SYNE2: variants seen among roughly 807,000 people sequenced by gnomAD.
SYNE2 encodes the protein nesprin-2.
SYNE2 carries 431 observed loss-of-function variants against 856.3 expected under a neutral mutation model. That is an observed-to-expected ratio of 0.50 (90% CI 0.47 to 0.55). The LOEUF is 0.55. Ranked by LOEUF, SYNE2 falls within the 20% of genes least tolerant of loss-of-function variation. SYNE2 has a pLI of 0.00. For missense variants in SYNE2, 8,129 were observed against 8,023.2 expected, an observed-to-expected ratio of 1.01 and a Z score of -0.50; for synonymous variants, 2,923 against 2,872.3, an observed-to-expected ratio of 1.02 and a Z score of -0.56.
intron 74 of SYNE2, among the ~76,000 whole-genome samples, chr14:64,129,298 C>A (rs571367428): frequency 4.6e-5 from 7 of 152,256 alleles, no homozygotes; most frequent in African/African-American, 1.7e-4. Context: ...CAGAGCCAGA[C>A]TTTTGTCTCT....
intron 71 of SYNE2, 34 bp from the exon 72 acceptor site, chr14:64,126,293 T>C (rs1175330408): frequency 6.3e-7 from 1 of 1,596,490 alleles, no homozygotes; most frequent in Non-Finnish European, 8.6e-7. Flanking sequence ...CAAAGGTATC[T>C]TAATTTTCTT....
intron 57 of SYNE2, 76 bp downstream of exon 57, chr14:64,081,656 C>T (rs774863222): frequency 2.0e-6 from 3 of 1,521,880 alleles, no homozygotes; most frequent in African/African-American, 1.4e-5. Context: ...TGTCTTGGTG[C>T]TTTTTTCCTC....
chr14:63,987,030 G>C (rs916284496), intron 19 of SYNE2, among the ~76,000 whole-genome samples: 1 of 152,120 alleles, frequency 6.6e-6, no homozygotes, highest in Admixed American at 6.5e-5. Context: ...GAAGTGGGTG[G>C]ATCACAAGGT....
At chr14:63,917,959 G>A (rs1414736108) in intron 2 of SYNE2, among the ~76,000 whole-genome samples, 2 of 151,834 alleles carry the variant, frequency 1.3e-5, no homozygotes, top group Non-Finnish European at 2.9e-5. Context: ...TTCTGGGTCA[G>A]TTACATTTTG....
chr14:64,171,688 G>A (rs1192210398), intron 94 of SYNE2, among the ~76,000 whole-genome samples: 1 of 152,206 alleles, frequency 6.6e-6, no homozygotes, highest in Non-Finnish European at 1.5e-5. Context: ...AGTGTGACTG[G>A]CGCAGAGCTG....
At chr14:64,190,039 A>G in intron 98 of SYNE2, 32 bp from the exon 99 acceptor site, 1 of 1,612,064 alleles carries the variant, frequency 6.2e-7, no homozygotes, top group Non-Finnish European at 8.5e-7. Flanking sequence ...TGGGCTAATT[A>G]GCCAGGCTTT....
At chr14:64,155,575 T>TA (rs562563652) in intron 85 of SYNE2, among the ~76,000 whole-genome samples, 2,229 of 131,674 alleles carry the variant, frequency 0.017, 33 homozygotes, top group African/African-American at 0.041. Context: ...TTCAATAAAG[T>TA]AAAAAAAAAA....
chr14:64,202,013 A>G (rs2098571056), intron 99 of SYNE2, among the ~76,000 whole-genome samples: 2 of 152,170 alleles, frequency 1.3e-5, no homozygotes, highest in African/African-American at 2.4e-5. Flanking sequence ...CAGCTACATC[A>G]CGTCCCCTTG....
rs769385596 is a variant in SYNE2, at chr14:64,113,548, G to A, written c.12817G>A (p.Glu4273Lys). Residue 4273 changes from glutamate to lysine, a missense_variant, in exon 66 of 116, where the codon GAA (glutamate) becomes AAA (lysine). Coordinates refer to ENST00000555002, the MANE Select transcript of SYNE2 (RefSeq NM_182914.3). The part of the protein sequence containing the change: ...TLNADMQQVL[E>K]QQLVGCQAML... ...AAACGCAGACATGCAGCAGGTGCTG[G>A]AACAGCAGCTGGTAGGGTGCCAGGT... 1.9e-6 allele frequency: 3 copies of A among 1,611,190 alleles called. No homozygotes were observed. The highest frequency in any genetic ancestry group is 2.5e-6 in the Non-Finnish European group (3 of 1,178,538).
In SYNE2 at chr14:64,107,565, G is replaced by A. The variant is rs191320481; in HGVS notation, c.12567G>A (p.Glu4189=). 1.2e-6 allele frequency: 2 copies of A among 1,614,126 alleles called. No homozygotes were observed. The highest frequency in any genetic ancestry group is 4.5e-5 in the East Asian group (2 of 44,880). Reference sequence around the variant, plus strand: ...TCACACCAGACTCACTAAACACTGAGCAAGGCCCAGAATGTTCCCTAAGGC... The same window carrying A: ...TCACACCAGACTCACTAAACACTGAACAAGGCCCAGAATGTTCCCTAAGGC... ...QILTPDSLNT[E]QGPECSLRPN... Residue 4189 remains glutamate, a synonymous_variant, in exon 65 of 116, where the codon GAG becomes GAA. Coordinates refer to ENST00000555002, the MANE Select transcript of SYNE2 (RefSeq NM_182914.3).
intron 1 of SYNE2, among the ~76,000 whole-genome samples, chr14:63,836,233 A>G (rs1889856666): frequency 6.6e-6 from 1 of 152,026 alleles, no homozygotes; most frequent in Non-Finnish European, 1.5e-5. Context: ...CATGTTCCCC[A>G]TTCTGGTCTC....
intron 6 of SYNE2, among the ~76,000 whole-genome samples, chr14:63,948,772 A>ATG (rs1327891000): frequency 3.3e-4 from 18 of 54,884 alleles, no homozygotes; most frequent in South Asian, 6.4e-4. Flanking sequence ...ATATATATGT[A>ATG]TGTGTGTGTG....
intron 1 of SYNE2, among the ~76,000 whole-genome samples, chr14:63,847,616 C>T (rs1259365073): frequency 3.2e-4 from 47 of 145,762 alleles, no homozygotes; most frequent in African/African-American, 1.1e-3. Context: ...GACGGAGTCT[C>T]GCTCTGTCGC....
At chr14:63,896,699 G>A (rs2095258177) in intron 1 of SYNE2, among the ~76,000 whole-genome samples, 1 of 152,204 alleles carries the variant, frequency 6.6e-6, no homozygotes, top group Non-Finnish European at 1.5e-5. Context: ...GAGTTCTCCT[G>A]ACTCTAAGTC....
chr14:64,125,103 C>T lies in SYNE2; in HGVS notation c.13447C>T (p.Pro4483Ser). The T allele has an allele frequency of 1.2e-6, 2 of 1,614,140 alleles. No individual in the cohort carries two copies. Among genetic ancestry groups the T allele is most frequent in the Non-Finnish European group, 1.7e-6 (2 of 1,180,024 alleles). ...GGTTTCCACAAATATGGGTATTCTA[C>T]CCAGCGTGACTATGTATAACTTTAG... is the stretch of plus-strand genomic sequence containing the variant. The part of the protein sequence containing the change: ...PQVSTNMGIL[P>S]SVTMYNFRYP... Residue 4483 changes from proline (P) to serine (S), a missense_variant, in exon 71 of 116, where the codon CCC (proline) becomes TCC (serine). Pro to Ser is a moderately conservative substitution (Grantham distance 74). Around this residue, in one of 3 missense-constraint regions of SYNE2, gnomAD observed 5,410 missense variants for 5,284.8 expected, o/e 1.02. Transcript: ENST00000555002.
At chr14:64,062,530 G>A (rs188218404) in intron 49 of SYNE2, among the ~76,000 whole-genome samples, 7 of 152,184 alleles carry the variant, frequency 4.6e-5, no homozygotes, top group Non-Finnish European at 8.8e-5. Flanking sequence ...TTTAGAGGAC[G>A]GCCCTTGCTT....
At chr14:63,975,469 A>T (rs1238485965) in intron 11 of SYNE2, among the ~76,000 whole-genome samples, 2 of 152,108 alleles carry the variant, frequency 1.3e-5, no homozygotes, top group Non-Finnish European at 2.9e-5. Flanking sequence ...AGTAGCTGAG[A>T]CTATAGGTGT....
chr14:63,987,410 G>A (rs1183390253), intron 19 of SYNE2, among the ~76,000 whole-genome samples: 3 of 152,196 alleles, frequency 2.0e-5, no homozygotes, highest in African/African-American at 7.2e-5. Flanking sequence ...TTGAAAGGCA[G>A]TGAGGCAAGA....
At position 64,141,537 on chromosome 14, in the gene SYNE2, G is replaced by GC. The variant is rs1189705528; in HGVS notation, c.15159+16dup. On this transcript the variant is annotated intron_variant, in intron 81 of 115. Coordinates refer to ENST00000555002, the MANE Select transcript of SYNE2 (RefSeq NM_182914.3). ...AAACTTCACCAGGTAAGTCTTTAGA[G>GC]CCTCAGCATTTGAATTAGCATTCAC... The GC allele has an allele frequency of 1.2e-6, 2 of 1,612,338 alleles. No individual in the cohort carries two copies. Among genetic ancestry groups the GC allele is most frequent in the African/African-American group, 2.7e-5 (2 of 74,882 alleles).
Sources: gnomAD v4.1 joint callset for allele counts (sites outside exome capture counted in the v4.1 genomes callset) on GRCh38, gnomAD v4.1.1 for gene constraint, gnomAD v4.1.1 regional missense constraint, MANE v1.5 for transcripts, NCBI Gene and HGNC (gene_info 2026-07-23, HGNC 2026-07-21) for gene names.